Variants in CCDC57 observed in about 807,000 individuals in gnomAD.
CCDC57 encodes the protein coiled-coil domain-containing protein 57.
CCDC57 carries 118 observed loss-of-function variants against 118.9 expected under a neutral mutation model. That is an observed-to-expected ratio of 0.99 (90% CI 0.86 to 1.16). The LOEUF is 1.16. Among genes scored for constraint, CCDC57 ranks in the 50% most tolerant of loss-of-function variants. The pLI is 0.00. For synonymous variants in CCDC57, 527 were observed against 532.9 expected (o/e 0.99, Z 0.15); for missense variants, 1,300 against 1,320.7 (o/e 0.98, Z 0.24).
chr17:82,143,331 G>A (rs1568239362), intron 16 of CCDC57, among the ~76,000 whole-genome samples: 1 of 152,090 alleles, frequency 6.6e-6, no homozygotes, highest in Non-Finnish European at 1.5e-5. Flanking sequence ...AAGAAATCAG[G>A]AGAAGAACAA....
chr17:82,184,029 GCGCACACACA>G (rs1351700415), intron 8 of CCDC57, 97 bp from the exon 8 acceptor site: 72 of 238,922 alleles, frequency 3.0e-4, no homozygotes, highest in East Asian at 2.6e-3. Context: ...GCGCGCGCGC[GCGCACACACA>G]CACACACACA....
intron 19 of CCDC57, among the ~76,000 whole-genome samples, chr17:82,109,961 C>T (rs897052581): frequency 4.0e-5 from 6 of 150,894 alleles, no homozygotes; most frequent in East Asian, 1.9e-4. Context: ...AGGCAGAAAA[C>T]GTCATAAGAG....
intron 19 of CCDC57, among the ~76,000 whole-genome samples, chr17:82,103,824 G>A (rs552175826): frequency 7.6e-4 from 51 of 66,958 alleles, no homozygotes; most frequent in African/African-American, 3.2e-3. Context: ...CACAGTCCCC[G>A]GGGCAGGGAG....
At chr17:82,204,134 G>A (rs1053011635) in intron 2 of CCDC57, among the ~76,000 whole-genome samples, 5 of 152,150 alleles carry the variant, frequency 3.3e-5, no homozygotes, top group Admixed American at 2.0e-4. Context: ...GAGCAAAGAC[G>A]GTCTCCTCCA....
At chr17:82,161,219 A>T (rs1043983440) in intron 14 of CCDC57, among the ~76,000 whole-genome samples, 2 of 152,142 alleles carry the variant, frequency 1.3e-5, no homozygotes, top group Non-Finnish European at 2.9e-5. Flanking sequence ...GTTGGTGGGG[A>T]TGGGGGAACC....
intron 14 of CCDC57, among the ~76,000 whole-genome samples, chr17:82,161,375 G>A (rs979715811): frequency 1.3e-5 from 2 of 152,154 alleles, no homozygotes; most frequent in African/African-American, 2.4e-5. Context: ...CAGGGTGACC[G>A]TCTGACAGAG....
chr17:82,179,041 T>G (rs369012708), exon 10 of CCDC57: 29 of 1,613,666 alleles, frequency 1.8e-5, no homozygotes, highest in Non-Finnish European at 2.4e-5. Flanking sequence ...CTTTTTGCCA[T>G]GCTCAGACCC....
At chr17:82,148,058 A>G (rs1598902602) in intron 16 of CCDC57, among the ~76,000 whole-genome samples, 1 of 99,704 alleles carries the variant, frequency 1.0e-5, no homozygotes, top group African/African-American at 4.1e-5. Flanking sequence ...GGGTGGGTGG[A>G]TGGATGGATG....
chr17:82,199,747 C>T (rs2146872077), intron 3 of CCDC57, among the ~76,000 whole-genome samples: 1 of 152,278 alleles, frequency 6.6e-6, no homozygotes, highest in African/African-American at 2.4e-5. Flanking sequence ...CACCAGCCTT[C>T]ATGCTGGGGA....
chr17:82,126,848 T>C, intron 19 of CCDC57: 3 of 985,236 alleles, frequency 3.0e-6, no homozygotes, highest in Non-Finnish European at 3.6e-6. Flanking sequence ...GAGAGAATGA[T>C]TAAATGAATG....
chr17:82,130,646 G>A (rs1433740183), intron 17 of CCDC57, among the ~76,000 whole-genome samples: 3 of 150,400 alleles, frequency 2.0e-5, no homozygotes, highest in Non-Finnish European at 3.0e-5. Context: ...GGGATTATAG[G>A]TGCCTGCCAC....
At position 82,125,162 on chromosome 17, in the gene CCDC57, C is replaced by T. The variant is rs184177291; in HGVS notation, c.2899+2530G>A. Among the ~76,000 whole-genome samples the T allele has an allele frequency of 1.2e-3, 189 of 152,212 alleles. 2 individuals are homozygous for T. Among genetic ancestry groups the T allele is most frequent in the African/African-American group, 4.1e-3 (170 of 41,534 alleles). ...CCTTCCTAAGGCAGAAGGGAAGCTGCGTCAATCCTAAGAACACTTACAATA... is the reference window on the plus strand; with the variant it reads ...CCTTCCTAAGGCAGAAGGGAAGCTGTGTCAATCCTAAGAACACTTACAATA... On this transcript the variant is annotated intron_variant, in intron 19 of 19. Coordinates refer to ENST00000665763, the Ensembl canonical transcript of CCDC57.
At chr17:82,183,018 T>C (rs1484698327) in intron 9 of CCDC57, among the ~76,000 whole-genome samples, 6 of 152,172 alleles carry the variant, frequency 3.9e-5, no homozygotes, top group Non-Finnish European at 7.3e-5. Flanking sequence ...AGAACTCACT[T>C]ACTATCATAA....
intron 19 of CCDC57, chr17:82,113,672 C>T (rs770225318): frequency 2.8e-6 from 2 of 716,530 alleles, no homozygotes; most frequent in African/African-American, 1.7e-5. Context: ...GGGGCCCACA[C>T]CTGTCATCTC....
chr17:82,150,972 T>TAGAACCAGGCACACACCC lies in CCDC57; in HGVS notation c.2455+570_2455+587dup. On this transcript the variant is annotated intron_variant, in intron 16 of 19. Transcript: ENST00000665763. Reference sequence around the variant, plus strand: ...GCACACCCAGAACCTGACCTGCACCTAGAACCAGGCACACACCCAGAACCA... The same window carrying TAGAACCAGGCACACACCC: ...GCACACCCAGAACCTGACCTGCACCTAGAACCAGGCACACACCCAGAACCAGGCACACACCCAGAACCA... 3.2e-3 allele frequency among the ~76,000 whole-genome samples: 22 copies of TAGAACCAGGCACACACCC among 6,866 alleles called. 1 individual carries two copies. Among genetic ancestry groups the TAGAACCAGGCACACACCC allele is most frequent in the African/African-American group, 0.012 (22 of 1,808 alleles). 4.5% of individuals were successfully genotyped at this position (6,866 alleles called of 152,430 possible).
At chr17:82,165,296 T>C (rs553885954) in intron 13 of CCDC57, among the ~76,000 whole-genome samples, 1 of 152,336 alleles carries the variant, frequency 6.6e-6, no homozygotes, top group South Asian at 2.1e-4. Context: ...CACCCGCATT[T>C]TGCCTGCTAA....
chr17:82,190,292 C>T (rs188406177), intron 7 of CCDC57, among the ~76,000 whole-genome samples: 3 of 152,264 alleles, frequency 2.0e-5, no homozygotes, highest in Admixed American at 6.5e-5. Flanking sequence ...ATACTGTAAA[C>T]CTTCAATAAC....
intron 16 of CCDC57, among the ~76,000 whole-genome samples, chr17:82,134,734 C>A (rs2038913378): frequency 6.6e-6 from 1 of 152,220 alleles, no homozygotes; most frequent in South Asian, 2.1e-4. Flanking sequence ...GCAGAGGTTG[C>A]AGCGAGCCGA....
At chr17:82,103,416 C>T (rs561985205) in intron 19 of CCDC57, among the ~76,000 whole-genome samples, 1 of 149,704 alleles carries the variant, frequency 6.7e-6, no homozygotes, top group South Asian at 2.1e-4. Flanking sequence ...CACCCTTTAT[C>T]TCTCAACAAT....
Sources: allele counts gnomAD v4.1 joint callset (sites outside exome capture counted in the v4.1 genomes callset), GRCh38; gene constraint gnomAD v4.1.1; transcripts MANE v1.5; gene names NCBI Gene and HGNC (gene_info 2026-07-23, HGNC 2026-07-21).